Variants in AUTS2 observed in about 807,000 individuals in gnomAD.
AUTS2 encodes autism susceptibility gene 2 protein.
Under a neutral mutation model 112.4 loss-of-function variants are expected in AUTS2, and 17 were observed. That is an observed-to-expected ratio of 0.15 (90% confidence interval 0.10 to 0.23). The LOEUF (loss-of-function observed/expected upper bound fraction) is 0.23, where lower values mean the gene tolerates loss of function less well. Among genes scored for constraint, AUTS2 ranks in the 10% least tolerant of loss-of-function variants. AUTS2 has a pLI of 1.00. For missense variants in AUTS2, 1,510 were observed against 1,701.6 expected (o/e 0.89, Z 1.98); for synonymous variants, 751 against 702.7 (o/e 1.07, Z -1.09).
intron 2 of AUTS2, among the ~76,000 whole-genome samples, chr7:70,059,094 T>C (rs1802123474): frequency 6.6e-6 from 1 of 152,202 alleles, no homozygotes; most frequent in Admixed American, 6.5e-5. Context: ...TTCACAAATA[T>C]AAAACGGCAT....
chr7:70,133,977 T>TA (rs1437806950), intron 3 of AUTS2, among the ~76,000 whole-genome samples: 5 of 152,148 alleles, frequency 3.3e-5, no homozygotes, highest in Non-Finnish European at 7.3e-5. Context: ...GTCTACTAAT[T>TA]ACGTTTACAA....
chr7:70,426,444 A>G (rs752206348), intron 4 of AUTS2, among the ~76,000 whole-genome samples: 23 of 152,318 alleles, frequency 1.5e-4, no homozygotes, highest in Non-Finnish European at 1.8e-4. Flanking sequence ...TACCAGGCCC[A>G]TTATGAACGC....
chr7:70,650,211 T>C (rs1806422986), intron 5 of AUTS2, among the ~76,000 whole-genome samples: 1 of 152,170 alleles, frequency 6.6e-6, no homozygotes, highest in African/African-American at 2.4e-5. Context: ...AGAGACCCCA[T>C]AGCAAACTTC....
At chr7:69,646,349 G>T (rs1795021469) in intron 1 of AUTS2, among the ~76,000 whole-genome samples, 1 of 152,148 alleles carries the variant, frequency 6.6e-6, no homozygotes, top group Admixed American at 6.5e-5. Flanking sequence ...TAATGAGAGT[G>T]TGAAGATTTT....
chr7:70,762,136 T>C (rs910903052), intron 6 of AUTS2, among the ~76,000 whole-genome samples: 1 of 152,246 alleles, frequency 6.6e-6, no homozygotes, highest in Non-Finnish European at 1.5e-5. Context: ...TGTTAAATAA[T>C]GTTTGACTCA....
intron 3 of AUTS2, among the ~76,000 whole-genome samples, chr7:70,132,490 G>T (rs1364421261): frequency 6.6e-6 from 1 of 152,206 alleles, no homozygotes; most frequent in Non-Finnish European, 1.5e-5. Context: ...AACAAATGAA[G>T]TGAAATGATT....
chr7:70,608,334 G>A (rs992533401), intron 5 of AUTS2, among the ~76,000 whole-genome samples: 7 of 151,968 alleles, frequency 4.6e-5, no homozygotes, highest in African/African-American at 1.7e-4. Flanking sequence ...CAAACTCCTG[G>A]GCTCAAGCAA....
intron 2 of AUTS2, among the ~76,000 whole-genome samples, chr7:69,979,734 C>CA (rs1168922385): frequency 6.6e-6 from 1 of 152,188 alleles, no homozygotes; most frequent in African/African-American, 2.4e-5. Flanking sequence ...TTGTTTGCTA[C>CA]TGAGGGCAGG....
intron 4 of AUTS2, among the ~76,000 whole-genome samples, chr7:70,155,673 G>A (rs966260547): frequency 2.6e-5 from 4 of 152,070 alleles, no homozygotes; most frequent in Admixed American, 2.0e-4. Flanking sequence ...TTCAAAGCCT[G>A]AGCCCCAAAT....
intron 2 of AUTS2, among the ~76,000 whole-genome samples, chr7:70,085,485 C>A (rs1803551739): frequency 6.6e-6 from 1 of 151,986 alleles, no homozygotes; most frequent in Non-Finnish European, 1.5e-5. Context: ...CCTGCCTCAG[C>A]CTCCTGAGTA....
At chr7:69,952,740 A>G (rs955892458) in intron 2 of AUTS2, among the ~76,000 whole-genome samples, 1 of 152,212 alleles carries the variant, frequency 6.6e-6, no homozygotes, top group Non-Finnish European at 1.5e-5. Context: ...TGCCTTTCAT[A>G]TCTATTCACT....
At chr7:70,176,824 C>T (rs145346493) in intron 4 of AUTS2, among the ~76,000 whole-genome samples, 49 of 152,246 alleles carry the variant, frequency 3.2e-4, no homozygotes, top group African/African-American at 1.1e-3. Flanking sequence ...TACTGGAGTG[C>T]TTTTCTCTCT....
chr7:70,522,041 A>G (rs564378750), intron 5 of AUTS2, among the ~76,000 whole-genome samples: 2 of 152,342 alleles, frequency 1.3e-5, no homozygotes, highest in Admixed American at 6.5e-5. Context: ...GAGGATTTAT[A>G]TGATTATTAG....
chr7:70,646,588 C>T (rs1026531898), intron 5 of AUTS2, among the ~76,000 whole-genome samples: 2 of 152,220 alleles, frequency 1.3e-5, no homozygotes, highest in African/African-American at 4.8e-5. Context: ...CCGCCTCTGG[C>T]CCCCCAAGGG....
chr7:70,431,127 G>T (rs1020709766), intron 4 of AUTS2, among the ~76,000 whole-genome samples: 2 of 151,990 alleles, frequency 1.3e-5, no homozygotes, highest in African/African-American at 4.8e-5. Context: ...GTGAGCCACC[G>T]CGCCCGGCCG....
At chr7:70,702,312 A>G (rs527413101) in intron 6 of AUTS2, among the ~76,000 whole-genome samples, 69 of 152,308 alleles carry the variant, frequency 4.5e-4, no homozygotes, top group Non-Finnish European at 2.1e-4. Context: ...GGTTAGGGGA[A>G]GAGAAAAATC....
At chr7:69,984,073 G>A (rs970898707) in intron 2 of AUTS2, among the ~76,000 whole-genome samples, 14 of 152,228 alleles carry the variant, frequency 9.2e-5, no homozygotes, top group Middle Eastern at 3.4e-3. Context: ...TTGACCTAAC[G>A]TTGATTCAGA....
chr7:70,432,828 G>A (rs1164340021), intron 4 of AUTS2, among the ~76,000 whole-genome samples: 1 of 152,140 alleles, frequency 6.6e-6, no homozygotes, highest in East Asian at 1.9e-4. Context: ...CTGAGCTCAC[G>A]GCAAAGTCCT....
chr7:70,314,939 A>G (rs1428485405), intron 4 of AUTS2, among the ~76,000 whole-genome samples: 1 of 152,058 alleles, frequency 6.6e-6, no homozygotes, highest in Non-Finnish European at 1.5e-5. Context: ...GTTTCCTCCA[A>G]TCTTTAAAAA....
Sources: allele counts gnomAD v4.1 joint callset (sites outside exome capture counted in the v4.1 genomes callset), GRCh38; gene constraint gnomAD v4.1.1; transcripts MANE v1.5; gene names NCBI Gene and HGNC (gene_info 2026-07-23, HGNC 2026-07-21).